Variants in GLIPR2 observed in about 807,000 individuals in gnomAD.
GLIPR2 encodes GLI pathogenesis related 2.
In GLIPR2, 21 loss-of-function variants were observed where a neutral mutation model predicts 20.4. The ratio of observed to expected loss-of-function variants is 1.03; its 90% CI spans 0.73 to 1.48. The LOEUF is 1.48. Ranked by LOEUF, GLIPR2 falls within the 40% of genes most tolerant of loss-of-function variation. The pLI, the probability that GLIPR2 is intolerant of heterozygous loss-of-function variation, is 0.00. For missense variants in GLIPR2, 205 were observed against 200.1 expected, an observed-to-expected ratio of 1.02 and a Z score of -0.15; for synonymous variants, 91 against 80.5, an observed-to-expected ratio of 1.13 and a Z score of -0.70.
intron 1 of GLIPR2, among the ~76,000 whole-genome samples, chr9:36,141,593 A>AG (rs1257072885): frequency 8.5e-5 from 13 of 152,172 alleles, no homozygotes; most frequent in Non-Finnish European, 2.9e-5. Flanking sequence ...TGCTGAGGGA[A>AG]GAGCCTGTCT....
At chr9:36,161,571 CGAGGAGGCGGAA>C (rs1479858024) in intron 4 of GLIPR2, among the ~76,000 whole-genome samples, 2 of 149,552 alleles carry the variant, frequency 1.3e-5, no homozygotes, top group African/African-American at 4.9e-5. Flanking sequence ...TAAGTGAGGG[CGAGGAGGCGGAA>C]GAGGAGGCAG....
Position 36,162,933 on chromosome 9 carries a change from T to A in GLIPR2, c.*411T>A. ...TGATCTTCATGCGTCGTAATCTACT[T>A]TTGGTAGATAATTAAGATTATTAAA... On this transcript the variant is annotated 3_prime_UTR_variant, in exon 5 of 5. Coordinates refer to ENST00000377960, the MANE Select transcript of GLIPR2 (RefSeq NM_022343.4). 2.2e-6 allele frequency: 1 copy of A among 454,928 alleles called. No individual in the cohort carries two copies. The highest frequency in any genetic ancestry group is 1.6e-5 in the South Asian group (1 of 63,110). 28.2% of individuals were successfully genotyped at this position (454,928 alleles called of 1,614,324 possible). A position where few individuals can be genotyped will look rare whatever the true frequency, so the allele number is the denominator to read the frequency against.
intron 4 of GLIPR2, among the ~76,000 whole-genome samples, chr9:36,152,401 C>G (rs557736262): frequency 6.6e-6 from 1 of 152,284 alleles, no homozygotes; most frequent in Non-Finnish European, 1.5e-5. Flanking sequence ...TGTGTCCGAG[C>G]AAGTTATTAA....
chr9:36,162,529 A>T lies in GLIPR2; in HGVS notation c.*7A>T. On this transcript the variant is annotated 3_prime_UTR_variant, in exon 5 of 5. Coordinates refer to ENST00000377960, the MANE Select transcript of GLIPR2 (RefSeq NM_022343.4). ...CCTGCCGCCGAAGAAGTAACTTGTT[A>T]AATGTAATGGGAAGGTGGCAGACTT... The T allele has an allele frequency of 1.2e-6, 2 of 1,614,086 alleles. No individual in the cohort carries two copies. Among genetic ancestry groups the T allele is most frequent in the Non-Finnish European group, 1.7e-6 (2 of 1,179,950 alleles).
intron 4 of GLIPR2, among the ~76,000 whole-genome samples, chr9:36,154,520 G>A (rs1825745376): frequency 6.6e-6 from 1 of 152,130 alleles, no homozygotes; most frequent in Non-Finnish European, 1.5e-5. Flanking sequence ...ATTCCCTTGC[G>A]AGGATATACT....
chr9:36,137,253 C>T (rs1041332479), intron 1 of GLIPR2, among the ~76,000 whole-genome samples: 1 of 152,220 alleles, frequency 6.6e-6, no homozygotes. Flanking sequence ...GTGCTAGGCT[C>T]GGTCTGGCTC....
intron 4 of GLIPR2, 73 bp from the exon 5 acceptor site, chr9:36,162,289 A>T: frequency 6.2e-7 from 1 of 1,600,786 alleles, no homozygotes; most frequent in Non-Finnish European, 8.5e-7. Context: ...GGGTTCAACA[A>T]TCCCCTGCCA....
At chr9:36,148,428 G>C in intron 2 of GLIPR2, 119 bp from the exon 3 acceptor site, 1 of 665,118 alleles carries the variant, frequency 1.5e-6, no homozygotes, top group Non-Finnish European at 2.7e-6. Context: ...TCATGCAAGA[G>C]TGGTGCTCCT....
chr9:36,153,503 A>G (rs1223703081), intron 4 of GLIPR2, among the ~76,000 whole-genome samples: 1 of 152,126 alleles, frequency 6.6e-6, no homozygotes, highest in Non-Finnish European at 1.5e-5. Context: ...CTTCATGCCC[A>G]TCCTGCCTCA....
intron 4 of GLIPR2, among the ~76,000 whole-genome samples, chr9:36,160,777 C>A (rs1209945119): frequency 6.6e-6 from 1 of 152,168 alleles, no homozygotes; most frequent in African/African-American, 2.4e-5. Flanking sequence ...AAATGAGGCT[C>A]ACGCCTGTAA....
chr9:36,141,867 G>T, intron 1 of GLIPR2: 1 of 454,806 alleles, frequency 2.2e-6, no homozygotes, highest in Non-Finnish European at 4.4e-6. Context: ...AGCCTCCAGC[G>T]GTAGAGGCCT....
chr9:36,160,287 T>C (rs1825999494), intron 4 of GLIPR2, among the ~76,000 whole-genome samples: 1 of 152,202 alleles, frequency 6.6e-6, no homozygotes, highest in Non-Finnish European at 1.5e-5. Context: ...CCTCTCGAAG[T>C]GCTGGCATTG....
At chr9:36,158,157 G>A (rs1401004589) in intron 4 of GLIPR2, among the ~76,000 whole-genome samples, 1 of 152,206 alleles carries the variant, frequency 6.6e-6, no homozygotes, top group Admixed American at 6.5e-5. Context: ...TCTGCTAGGA[G>A]CATGGGCGTA....
At chr9:36,159,616 T>C (rs1825974306) in intron 4 of GLIPR2, among the ~76,000 whole-genome samples, 1 of 151,876 alleles carries the variant, frequency 6.6e-6, no homozygotes. Flanking sequence ...GAATGGTACA[T>C]AGGGGAAAAA....
At position 36,162,387 on chromosome 9, in the gene GLIPR2, G is replaced by A; in HGVS notation, c.330G>A (p.Lys110=). 1 of 1,613,766 alleles carries A rather than the reference G, an allele frequency of 6.2e-7. No individual in the cohort carries two copies. The highest frequency in any genetic ancestry group is 8.5e-7 in the Non-Finnish European group (1 of 1,179,782). Residue 110 remains lysine (K), a synonymous_variant, in exon 5 of 5, where the codon AAG becomes AAA. Transcript: ENST00000377960. ...GACACTTCACGGCCATGGTATGGAA[G>A]AACACCAAGAAGATGGGCGTGGGGA... ...GTGHFTAMVW[K]NTKKMGVGKA... is the part of the protein sequence containing the mutation.
At chr9:36,150,818 A>T in intron 3 of GLIPR2, 54 bp from the exon 4 acceptor site, 1 of 1,303,582 alleles carries the variant, frequency 7.7e-7, no homozygotes, top group Non-Finnish European at 1.1e-6. Context: ...TGCAGGGAAT[A>T]GGGAGTGGGT....
rs543337174 is a variant in GLIPR2 at position 36,147,869 on chromosome 9, A to G, written c.97A>G (p.Lys33Glu). 120 of 1,575,794 alleles carry G rather than the reference A, an allele frequency of 7.6e-5. 2 individuals carry two copies. The South Asian group carries it at 1.3e-3, about 17-fold the overall frequency. ...CGGCGTCCCCCCACTGAAGCTCTGC[A>G]AGAACCTCAACCGGGAGGCTCAACA... ...KHGVPPLKLC[K>E]NLNREAQQYS... is the part of the protein sequence containing the mutation. Residue 33 changes from lysine (K) to glutamate (E), a missense_variant, in exon 2 of 5, where the codon AAG (lysine) becomes GAG (glutamate). Lys to Glu is a moderately conservative substitution (Grantham distance 56). Coordinates refer to ENST00000377960, the MANE Select transcript of GLIPR2 (RefSeq NM_022343.4).
intron 1 of GLIPR2, chr9:36,144,320 T>C (rs1446885224): frequency 6.6e-6 from 1 of 152,256 alleles, no homozygotes; most frequent in East Asian, 1.9e-4. Context: ...AAATGTATTA[T>C]CTTAACCATT....
chr9:36,148,314 C>T (rs557120634), intron 2 of GLIPR2, among the ~76,000 whole-genome samples: 1 of 152,168 alleles, frequency 6.6e-6, no homozygotes, highest in East Asian at 1.9e-4. Context: ...CAGATATAAC[C>T]ACACTTGAAT....
Sources: allele counts gnomAD v4.1 joint callset (sites outside exome capture counted in the v4.1 genomes callset), GRCh38; gene constraint gnomAD v4.1.1; transcripts MANE v1.5; gene names NCBI Gene and HGNC (gene_info 2026-07-23, HGNC 2026-07-21).